Variants in GALNT13 observed in about 807,000 individuals in gnomAD.
GALNT13 encodes polypeptide N-acetylgalactosaminyltransferase 13, also known as UDP-GalNAc:polypeptide N-acetylgalactosaminyltransferase 13.
A neutral mutation model predicts 64.2 loss-of-function variants in GALNT13; 28 were observed. That is an observed-to-expected ratio of 0.44 (90% confidence interval 0.32 to 0.60). The LOEUF is 0.60. Ranked by LOEUF, GALNT13 falls within the 20% of genes least tolerant of loss-of-function variation. The probability of loss-of-function intolerance (pLI) is 0.05; values close to 1 mark genes in which losing one functional copy is unlikely to be tolerated. For synonymous variants in GALNT13, 214 were observed against 224.6 expected, an observed-to-expected ratio of 0.95 and a Z score of 0.42; for missense variants, 577 against 669.8, an observed-to-expected ratio of 0.86 and a Z score of 1.53.
At chr2:153,559,854 T>G in the GALNT13 span, among the ~76,000 whole-genome samples, 2 of 152,094 alleles carry the variant, frequency 1.3e-5, no homozygotes, top group Admixed American at 1.3e-4. Context: ...TAGGGTAAGT[T>G]TTTTGGATTT....
At chr2:153,427,229 C>G in the GALNT13 span, among the ~76,000 whole-genome samples, 3 of 151,792 alleles carry the variant, frequency 2.0e-5, no homozygotes, top group Admixed American at 2.0e-4. Context: ...TCAGGTTGAC[C>G]AGGAACATAC....
the GALNT13 span, among the ~76,000 whole-genome samples, chr2:153,468,001 A>G: frequency 6.6e-6 from 1 of 152,152 alleles, no homozygotes; most frequent in African/African-American, 2.4e-5. Context: ...TCCAGCATAT[A>G]ATTTCAATGA....
chr2:153,261,599 C>T, the GALNT13 span, among the ~76,000 whole-genome samples: 1 of 152,110 alleles, frequency 6.6e-6, no homozygotes, highest in Non-Finnish European at 1.5e-5. Context: ...AACCTGTGGC[C>T]ACCACTACTT....
the GALNT13 span, among the ~76,000 whole-genome samples, chr2:153,401,533 G>A: frequency 1.3e-5 from 2 of 148,878 alleles, no homozygotes; most frequent in African/African-American, 5.0e-5. Context: ...GGGTGTTAAA[G>A]TCTCCCATTA....
intron 3 of GALNT13, among the ~76,000 whole-genome samples, chr2:154,027,465 C>T (rs1206780915): frequency 2.6e-5 from 4 of 152,202 alleles, no homozygotes; most frequent in Admixed American, 2.0e-4. Context: ...GTCGAATGGA[C>T]AACATATACC....
At chr2:153,436,577 A>T in the GALNT13 span, among the ~76,000 whole-genome samples, 1 of 152,140 alleles carries the variant, frequency 6.6e-6, no homozygotes, top group Admixed American at 6.5e-5. Context: ...GTGTACAGGA[A>T]TTTATCCATT....
At chr2:153,596,732 A>T in the GALNT13 span, among the ~76,000 whole-genome samples, 1 of 152,206 alleles carries the variant, frequency 6.6e-6, no homozygotes, top group African/African-American at 2.4e-5. Flanking sequence ...AAAACTGAGA[A>T]TAAAATCAGT....
intron 3 of GALNT13, among the ~76,000 whole-genome samples, chr2:153,966,859 A>G (rs535540718): frequency 1.3e-5 from 2 of 152,174 alleles, no homozygotes; most frequent in Middle Eastern, 3.4e-3. Context: ...TTAATAAAAT[A>G]ACTCTTAGAT....
At chr2:154,213,738 C>A (rs1265759231) in intron 4 of GALNT13, among the ~76,000 whole-genome samples, 1 of 152,024 alleles carries the variant, frequency 6.6e-6, no homozygotes, top group Non-Finnish European at 1.5e-5. Context: ...AGTGGGAAAT[C>A]ATGTTTTTAT....
intron 8 of GALNT13, among the ~76,000 whole-genome samples, chr2:154,291,055 G>A (rs1409788850): frequency 6.6e-6 from 1 of 152,080 alleles, no homozygotes; most frequent in East Asian, 1.9e-4. Context: ...GATCTATCGT[G>A]AAGAGCAAAA....
At chr2:153,214,751 C>T in the GALNT13 span, among the ~76,000 whole-genome samples, 2 of 151,814 alleles carry the variant, frequency 1.3e-5, no homozygotes, top group Non-Finnish European at 1.5e-5. Flanking sequence ...ACTTAGAAGT[C>T]GACTGTGAAA....
At chr2:154,023,950 A>C (rs933818729) in intron 3 of GALNT13, among the ~76,000 whole-genome samples, 7 of 152,090 alleles carry the variant, frequency 4.6e-5, no homozygotes, top group African/African-American at 7.2e-5. Context: ...TCCTTCACTT[A>C]TGAAGCTTAG....
the GALNT13 span, among the ~76,000 whole-genome samples, chr2:153,864,660 G>A: frequency 2.1e-4 from 32 of 151,886 alleles, no homozygotes; most frequent in Non-Finnish European, 3.7e-4. Context: ...AAATAAAAGA[G>A]GATACAAACA....
the GALNT13 span, among the ~76,000 whole-genome samples, chr2:153,086,490 C>T: frequency 1.1e-4 from 16 of 152,224 alleles, no homozygotes; most frequent in East Asian, 3.1e-3. Context: ...GAATAAGTCT[C>T]ATGAAATCTG....
chr2:154,032,495 A>G (rs1338444184), intron 3 of GALNT13, among the ~76,000 whole-genome samples: 1 of 152,070 alleles, frequency 6.6e-6, no homozygotes, highest in Non-Finnish European at 1.5e-5. Flanking sequence ...TCTCATGAAT[A>G]TAGATACAAG....
intron 4 of GALNT13, among the ~76,000 whole-genome samples, chr2:154,206,956 C>A (rs1049773173): frequency 9.2e-5 from 14 of 152,144 alleles, no homozygotes; most frequent in African/African-American, 2.9e-4. Flanking sequence ...ATGCCCTGTT[C>A]TAGAGCTTTA....
the GALNT13 span, among the ~76,000 whole-genome samples, chr2:153,789,116 G>C: frequency 6.6e-6 from 1 of 152,188 alleles, no homozygotes; most frequent in East Asian, 1.9e-4. Context: ...GATGTGTACA[G>C]AACTCTCCAC....
At chr2:153,393,058 T>G in the GALNT13 span, among the ~76,000 whole-genome samples, 2 of 152,044 alleles carry the variant, frequency 1.3e-5, no homozygotes, top group Non-Finnish European at 2.9e-5. Context: ...AATAAATTTC[T>G]GTTTATAAAC....
At chr2:153,840,367 C>T in the GALNT13 span, among the ~76,000 whole-genome samples, 1 of 152,048 alleles carries the variant, frequency 6.6e-6, no homozygotes, top group African/African-American at 2.4e-5. Context: ...TCATGGCAAG[C>T]ATGATAGACT....
Sources: gnomAD v4.1 joint callset for allele counts (sites outside exome capture counted in the v4.1 genomes callset) on GRCh38, gnomAD v4.1.1 for gene constraint, MANE v1.5 for transcripts, NCBI Gene and HGNC (gene_info 2026-07-23, HGNC 2026-07-21) for gene names.